YAP1: variants seen among roughly 807,000 people sequenced by gnomAD.
The protein encoded by YAP1 is transcriptional coactivator YAP1.
Under a neutral mutation model 56.9 loss-of-function variants are expected in YAP1, and 5 were observed. That is an observed-to-expected ratio of 0.09 (90% confidence interval 0.05 to 0.18). The LOEUF is 0.18. Among genes scored for constraint, YAP1 ranks in the 10% least tolerant of loss-of-function variants. The probability of loss-of-function intolerance (pLI) is 1.00; values close to 1 mark genes in which losing one functional copy is unlikely to be tolerated. For synonymous variants in YAP1, 265 were observed against 248.1 expected, an observed-to-expected ratio of 1.07 and a Z score of -0.64; for missense variants, 539 against 651.8, an observed-to-expected ratio of 0.83 and a Z score of 1.88.
At chr11:102,113,104 A>G (rs1343795836) in intron 1 of YAP1, among the ~76,000 whole-genome samples, 1 of 152,224 alleles carries the variant, frequency 6.6e-6, no homozygotes, top group Non-Finnish European at 1.5e-5. Flanking sequence ...AAAAAGGTGT[A>G]TCACTTTAAG....
intron 3 of YAP1, among the ~76,000 whole-genome samples, chr11:102,181,717 C>G (rs1209127554): frequency 1.3e-5 from 2 of 152,226 alleles, no homozygotes; most frequent in African/African-American, 4.8e-5. Context: ...ATAGATTGAT[C>G]TCCAAACTGC....
intron 2 of YAP1, among the ~76,000 whole-genome samples, chr11:102,115,094 T>C (rs970979349): frequency 1.3e-5 from 2 of 152,210 alleles, no homozygotes; most frequent in Admixed American, 6.5e-5. Flanking sequence ...TCAGTCCTTT[T>C]GTGTTTAATA....
chr11:102,125,721 C>G (rs1196859013), intron 2 of YAP1, among the ~76,000 whole-genome samples: 4 of 152,126 alleles, frequency 2.6e-5, no homozygotes, highest in East Asian at 3.9e-4. Flanking sequence ...TTTCTGAGCT[C>G]ATTGTTTATT....
At position 102,230,707 on chromosome 11, in the gene YAP1, T is replaced by C. The variant is rs781014049; in HGVS notation, c.*767T>C. ...CAGGGTCGGTGGGGGGGTTGGTTGGTTGGTTGGTTTTGTCGGAACCTAGGC... is the reference window on the plus strand; with the variant it reads ...CAGGGTCGGTGGGGGGGTTGGTTGGCTGGTTGGTTTTGTCGGAACCTAGGC... On this transcript the variant is annotated 3_prime_UTR_variant, in exon 9 of 9. Transcript: ENST00000282441. 7 of 152,452 alleles carry C rather than the reference T, an allele frequency of 4.6e-5. No homozygotes were observed. The highest frequency in any genetic ancestry group is 5.9e-5 in the Non-Finnish European group (4 of 68,004). 9.4% of individuals were successfully genotyped at this position (152,452 alleles called of 1,614,324 possible).
chr11:102,136,309 T>C (rs1327638715), intron 2 of YAP1, among the ~76,000 whole-genome samples: 1 of 152,144 alleles, frequency 6.6e-6, no homozygotes, highest in Non-Finnish European at 1.5e-5. Flanking sequence ...TGCTTGCTTT[T>C]AATCCTTCCA....
At chr11:102,219,448 G>A (rs1020219348) in intron 6 of YAP1, among the ~76,000 whole-genome samples, 3 of 152,096 alleles carry the variant, frequency 2.0e-5, no homozygotes, top group Admixed American at 6.6e-5. Context: ...CTTCAAAAAG[G>A]TAGTGCCTTC....
chr11:102,129,844 G>A (rs989014746), intron 2 of YAP1, among the ~76,000 whole-genome samples: 1 of 141,784 alleles, frequency 7.1e-6, no homozygotes, highest in Non-Finnish European at 1.5e-5. Context: ...CTGTCACCCA[G>A]GCTGGAGTGA....
Position 102,177,331 on chromosome 11 carries a change from T to C in YAP1, c.689-8687T>C, listed in dbSNP as rs558303631. On this transcript the variant is annotated intron_variant, in intron 3 of 8. Transcript: ENST00000282441. ...GCCTTGAGTCAGAGGACTTCCTCCT[T>C]AGAGGAGGTGAGGTAAGATGATCAT... 4.1e-4 allele frequency among the ~76,000 whole-genome samples: 63 copies of C among 152,234 alleles called. 2 individuals are homozygous for C. The South Asian group carries it at 0.013, about 31-fold the overall frequency.
chr11:102,111,145 G>C lies in YAP1; in HGVS notation c.297G>C (p.Pro99=), dbSNP rs1268741837. The change falls in exon 1 of 9, where the codon CCG becomes CCC. Residue 99 remains proline, a synonymous_variant. Transcript: ENST00000282441. ...RKLPDSFFKP[P]EPKSHSRQAS... The stretch of plus-strand genomic sequence containing the variant: ...TGCCCGACTCCTTCTTCAAGCCGCC[G>C]GAGCCCAAATCCCACTCCCGACAGG... The C allele has an allele frequency of 1.9e-6, 3 of 1,613,000 alleles. No homozygotes were observed. Among genetic ancestry groups the C allele is most frequent in the Non-Finnish European group, 2.5e-6 (3 of 1,179,830 alleles).
At chr11:102,163,475 G>A (rs1295096957) in intron 3 of YAP1, among the ~76,000 whole-genome samples, 1 of 152,080 alleles carries the variant, frequency 6.6e-6, no homozygotes, top group Non-Finnish European at 1.5e-5. Flanking sequence ...ATGTAACATT[G>A]TGCCTGGCAT....
At chr11:102,201,833 C>T (rs965181310) in intron 4 of YAP1, among the ~76,000 whole-genome samples, 2 of 152,058 alleles carry the variant, frequency 1.3e-5, no homozygotes, top group Middle Eastern at 3.4e-3. Context: ...TAGGTACCCC[C>T]TAGTACGCAG....
At chr11:102,112,371 G>C in intron 1 of YAP1, 1 of 967,840 alleles carries the variant, frequency 1.0e-6, no homozygotes, top group Non-Finnish European at 1.2e-6. Flanking sequence ...ATAGGTCCCA[G>C]TGGATTTGTT....
At chr11:102,130,070 C>A (rs1459916633) in intron 2 of YAP1, among the ~76,000 whole-genome samples, 1 of 152,060 alleles carries the variant, frequency 6.6e-6, no homozygotes, top group African/African-American at 2.4e-5. Flanking sequence ...AGCCACTGTG[C>A]CTGGCCAGAA....
intron 3 of YAP1, among the ~76,000 whole-genome samples, chr11:102,165,640 A>G (rs1452412311): frequency 1.3e-5 from 2 of 152,144 alleles, no homozygotes; most frequent in Admixed American, 1.3e-4. Context: ...ACAGCGTGCT[A>G]GAAGGTATTT....
intron 3 of YAP1, among the ~76,000 whole-genome samples, chr11:102,181,217 G>A (rs1947599200): frequency 6.6e-6 from 1 of 151,882 alleles, no homozygotes; most frequent in Non-Finnish European, 1.5e-5. Flanking sequence ...AGGTTGAGGT[G>A]GGCGGATCAC....
chr11:102,121,162 C>T (rs1364966901), intron 2 of YAP1, among the ~76,000 whole-genome samples: 1 of 152,142 alleles, frequency 6.6e-6, no homozygotes, highest in African/African-American at 2.4e-5. Context: ...TCATGGCCAG[C>T]CGTCGTAGCT....
chr11:102,143,623 A>G (rs1050478057), intron 2 of YAP1, among the ~76,000 whole-genome samples: 6 of 152,206 alleles, frequency 3.9e-5, no homozygotes, highest in African/African-American at 1.2e-4. Context: ...AAAGGGCCAT[A>G]TATATGTTCC....
intron 2 of YAP1, among the ~76,000 whole-genome samples, chr11:102,122,030 T>C (rs1943687004): frequency 1.3e-5 from 2 of 152,174 alleles, no homozygotes; most frequent in Non-Finnish European, 2.9e-5. Context: ...ACTCCTGGAC[T>C]CAGGTGAACC....
intron 2 of YAP1, among the ~76,000 whole-genome samples, chr11:102,126,150 T>G (rs192083282): frequency 6.6e-6 from 1 of 152,166 alleles, no homozygotes; most frequent in East Asian, 1.9e-4. Context: ...CAGTAGGTTT[T>G]TAAGAAGTTG....
Sources: allele counts gnomAD v4.1 joint callset (sites outside exome capture counted in the v4.1 genomes callset), GRCh38; gene constraint gnomAD v4.1.1; transcripts MANE v1.5; gene names NCBI Gene and HGNC (gene_info 2026-07-23, HGNC 2026-07-21).